CDH12: variants seen among roughly 807,000 people sequenced by gnomAD.
CDH12 encodes cadherin 12, also known as cadherin-12.
A neutral mutation model predicts 74.1 loss-of-function variants in CDH12; 41 were observed. The observed-to-expected ratio is 0.55, with a 90% CI of 0.43 to 0.72. CDH12 has a LOEUF of 0.72. Among genes scored for constraint, CDH12 ranks in the 30% least tolerant of loss-of-function variants. The pLI is 0.00. For missense variants in CDH12, 945 were observed against 977.2 expected, an observed-to-expected ratio of 0.97 and a Z score of 0.44; for synonymous variants, 399 against 355.0, an observed-to-expected ratio of 1.12 and a Z score of -1.39.
intron 4 of CDH12, among the ~76,000 whole-genome samples, chr5:22,165,495 T>C (rs1296187051): frequency 4.4e-5 from 3 of 68,738 alleles, no homozygotes; most frequent in Non-Finnish European, 5.7e-5. Context: ...CACATACACA[T>C]ACACATACAC....
In CDH12 at chr5:21,986,365, C is replaced by T. The variant is rs559145594; in HGVS notation, c.232-10980G>A. ...CTTCATGGCTACATATAAAAGCCAT[C>T]CTATTTCCTCAGATTGTCATATTTT... On this transcript the variant is annotated intron_variant, in intron 5 of 14. Coordinates refer to ENST00000382254, the MANE Select transcript of CDH12 (RefSeq NM_004061.5). 2.0e-5 allele frequency among the ~76,000 whole-genome samples: 3 copies of T among 152,140 alleles called. No individual in the cohort carries two copies. In the South Asian group the frequency reaches 6.2e-4, roughly 31 times the overall value.
intron 3 of CDH12, among the ~76,000 whole-genome samples, chr5:22,334,559 C>T (rs1474555570): frequency 6.6e-6 from 1 of 152,004 alleles, no homozygotes; most frequent in African/African-American, 2.4e-5. Flanking sequence ...GCATCCTGAA[C>T]AAAAAGAACA....
intron 4 of CDH12, among the ~76,000 whole-genome samples, chr5:22,090,087 A>G (rs1265278830): frequency 6.6e-6 from 1 of 152,016 alleles, no homozygotes; most frequent in African/African-American, 2.4e-5. Context: ...AATGAAAACA[A>G]TAGATAAAAT....
intron 2 of CDH12, among the ~76,000 whole-genome samples, chr5:22,478,850 C>A (rs1746277746): frequency 6.6e-6 from 1 of 152,066 alleles, no homozygotes; most frequent in Admixed American, 6.5e-5. Flanking sequence ...CTGATGCTAT[C>A]ATTTAGATAA....
intron 3 of CDH12, among the ~76,000 whole-genome samples, chr5:22,395,999 C>T (rs985511248): frequency 1.3e-5 from 2 of 152,064 alleles, no homozygotes; most frequent in Admixed American, 1.3e-4. Context: ...CTCTTTTGTC[C>T]TCCAACTGTT....
At chr5:22,407,285 C>T (rs897587959) in intron 2 of CDH12, among the ~76,000 whole-genome samples, 30 of 152,116 alleles carry the variant, frequency 2.0e-4, no homozygotes, top group East Asian at 7.7e-4. Flanking sequence ...ATAATTCATC[C>T]AATTTCCTAA....
intron 5 of CDH12, among the ~76,000 whole-genome samples, chr5:22,029,557 A>T (rs1738661622): frequency 6.6e-6 from 1 of 152,058 alleles, no homozygotes; most frequent in Admixed American, 6.6e-5. Flanking sequence ...TCAAAACCAC[A>T]ATGAGATACC....
chr5:21,886,715 T>C (rs1752653512), intron 6 of CDH12, among the ~76,000 whole-genome samples: 1 of 151,596 alleles, frequency 6.6e-6, no homozygotes, highest in Non-Finnish European at 1.5e-5. Flanking sequence ...ATTTTTCTAA[T>C]AGATATAATT....
At chr5:22,201,158 A>T (rs1750903761) in intron 4 of CDH12, among the ~76,000 whole-genome samples, 1 of 152,194 alleles carries the variant, frequency 6.6e-6, no homozygotes, top group African/African-American at 2.4e-5. Flanking sequence ...GAGATTAGGA[A>T]AAAGCAGATA....
intron 3 of CDH12, among the ~76,000 whole-genome samples, chr5:22,335,331 G>T (rs1226334368): frequency 1.3e-5 from 2 of 152,066 alleles, no homozygotes; most frequent in Non-Finnish European, 2.9e-5. Flanking sequence ...TGGGTCTCAT[G>T]AGATCTGATG....
chr5:22,633,080 A>G (rs1228592785), intron 1 of CDH12, among the ~76,000 whole-genome samples: 1 of 152,192 alleles, frequency 6.6e-6, no homozygotes, highest in Non-Finnish European at 1.5e-5. Context: ...GAAACAGTCA[A>G]CCAACAATGT....
chr5:22,035,007 T>C (rs1739073330), intron 5 of CDH12, among the ~76,000 whole-genome samples: 1 of 152,138 alleles, frequency 6.6e-6, no homozygotes, highest in African/African-American at 2.4e-5. Context: ...TATAATGAAA[T>C]AACATTGAAA....
chr5:22,367,898 T>C (rs545683619), intron 3 of CDH12, among the ~76,000 whole-genome samples: 1 of 152,314 alleles, frequency 6.6e-6, no homozygotes, highest in East Asian at 1.9e-4. Context: ...AATATTCCTA[T>C]AAATGTGACA....
chr5:22,504,952 A>G (rs916580599), intron 2 of CDH12, among the ~76,000 whole-genome samples: 5 of 152,014 alleles, frequency 3.3e-5, no homozygotes, highest in African/African-American at 1.2e-4. Context: ...TTCTGTTTTT[A>G]GGAGGAACAT....
chr5:21,850,830 AT>A (rs1315625384), intron 7 of CDH12, among the ~76,000 whole-genome samples: 2 of 151,376 alleles, frequency 1.3e-5, no homozygotes, highest in Non-Finnish European at 3.0e-5. Flanking sequence ...TTCTCACTCA[AT>A]TGTTTTTTTT....
chr5:22,547,375 G>T (rs991635145), intron 1 of CDH12, among the ~76,000 whole-genome samples: 1 of 152,048 alleles, frequency 6.6e-6, no homozygotes, highest in Non-Finnish European at 1.5e-5. Context: ...ATGACTGGCC[G>T]GTGATTCAGA....
rs1441376912 is a variant in CDH12 at position 22,476,351 on chromosome 5, A to AT, written c.-428+28918_-428+28919insA. Among the ~76,000 whole-genome samples, 99 of 152,240 alleles carry AT rather than the reference A, an allele frequency of 6.5e-4. 2 individuals carry two copies. Among genetic ancestry groups the AT allele is most frequent in the African/African-American group, 2.4e-3 (99 of 41,578 alleles). ...AAATTATATGTTTTATTGTTTATTG[A>AT]ATGGTACACATCATTCATATTAAAT... is the stretch of plus-strand genomic sequence containing the variant. On this transcript the variant is annotated intron_variant, in intron 2 of 14. Coordinates refer to ENST00000382254, the MANE Select transcript of CDH12 (RefSeq NM_004061.5).
In CDH12 at chr5:22,670,651, A is replaced by G. The variant is rs187966983; in HGVS notation, c.-522-165287T>C. Among the ~76,000 whole-genome samples the G allele has an allele frequency of 6.6e-5, 10 of 152,216 alleles. No homozygotes were observed. The East Asian group carries it at 1.5e-3, about 24-fold the overall frequency. On this transcript the variant is annotated intron_variant, in intron 1 of 14. Transcript: ENST00000382254. ...ACTGGCTATTTCTATAATAAATATT[A>G]CTAAGGCAGAGTTCATAAGTATTTC...
At chr5:21,863,150 T>A (rs1751140634) in intron 6 of CDH12, among the ~76,000 whole-genome samples, 1 of 152,176 alleles carries the variant, frequency 6.6e-6, no homozygotes, top group East Asian at 1.9e-4. Flanking sequence ...AGATTTCAAA[T>A]GTGCCTTGTA....
Sources: allele counts gnomAD v4.1 joint callset (sites outside exome capture counted in the v4.1 genomes callset), GRCh38; gene constraint gnomAD v4.1.1; transcripts MANE v1.5; gene names NCBI Gene and HGNC (gene_info 2026-07-23, HGNC 2026-07-21).